Variants in OXR1 observed in about 807,000 individuals in gnomAD.
The protein encoded by OXR1 is oxidation resistance 1, also known as oxidation resistance protein 1.
In OXR1, 41 loss-of-function variants were observed where a neutral mutation model predicts 104.6. That is an observed-to-expected ratio of 0.39 (90% CI 0.31 to 0.51). The LOEUF (loss-of-function observed/expected upper bound fraction) is 0.51. OXR1 is among the 20% of genes least tolerant of loss of function. OXR1 has a pLI of 0.77. For synonymous variants in OXR1, 348 were observed against 348.4 expected, an observed-to-expected ratio of 1.00 and a Z score of 0.01; for missense variants, 955 against 1,031.9, an observed-to-expected ratio of 0.93 and a Z score of 1.02.
rs10610619 is a variant in OXR1 at position 106,316,691 on chromosome 8, T to TTCTATCTATCTA, written c.-138-42770_-138-42759dup. Reference sequence around the variant, plus strand: ...AATGTATTTGTTTTTCTCTCTTTTTTTCTATCTATCTATCTATCTATCTAT... The same window carrying TTCTATCTATCTA: ...AATGTATTTGTTTTTCTCTCTTTTTTTCTATCTATCTATCTATCTATCTATCTATCTATCTAT... On this transcript the variant is annotated intron_variant, in intron 1 of 16. Coordinates refer to ENST00000517566, the MANE Select transcript of OXR1 (RefSeq NM_001198533.2). Among the ~76,000 whole-genome samples, 1,236 of 132,262 alleles carry TTCTATCTATCTA rather than the reference T, an allele frequency of 9.3e-3. 19 individuals are homozygous for TTCTATCTATCTA. Among genetic ancestry groups the TTCTATCTATCTA allele is most frequent in the Middle Eastern group, 0.016 (4 of 252 alleles). 86.8% of individuals were successfully genotyped at this position (132,262 alleles called of 152,430 possible).
At chr8:106,409,248 T>G (rs1818366949) in intron 2 of OXR1, among the ~76,000 whole-genome samples, 1 of 152,098 alleles carries the variant, frequency 6.6e-6, no homozygotes, top group Admixed American at 6.6e-5. Context: ...CCATATATTC[T>G]GTGGTGTGGT....
At chr8:106,508,350 A>G (rs1181054923) in intron 2 of OXR1, among the ~76,000 whole-genome samples, 1 of 152,226 alleles carries the variant, frequency 6.6e-6, no homozygotes, top group Admixed American at 6.5e-5. Context: ...TTAACATTTT[A>G]TAATTTTTTT....
intron 2 of OXR1, among the ~76,000 whole-genome samples, chr8:106,400,068 T>G (rs1477162917): frequency 6.6e-6 from 1 of 152,198 alleles, no homozygotes; most frequent in East Asian, 1.9e-4. Context: ...ATTATTTGTG[T>G]TTTGCCCTTT....
intron 1 of OXR1, among the ~76,000 whole-genome samples, chr8:106,316,254 C>G (rs997659788): frequency 1.3e-5 from 2 of 152,094 alleles, no homozygotes; most frequent in African/African-American, 4.8e-5. Flanking sequence ...CAACTCAAAG[C>G]TTTTTTCTTT....
At chr8:106,436,327 A>G (rs1819565325) in intron 2 of OXR1, among the ~76,000 whole-genome samples, 1 of 152,046 alleles carries the variant, frequency 6.6e-6, no homozygotes, top group Non-Finnish European at 1.5e-5. Flanking sequence ...TCAAATTTTC[A>G]CTTCTGGTAA....
chr8:106,310,230 C>CTT (rs10573304), intron 1 of OXR1, among the ~76,000 whole-genome samples: 187 of 142,388 alleles, frequency 1.3e-3, no homozygotes, highest in East Asian at 2.5e-3. Flanking sequence ...TTCCTGTGAC[C>CTT]TTTTTTTTTT....
chr8:106,449,171 G>A (rs1028152519), intron 2 of OXR1, among the ~76,000 whole-genome samples: 1 of 152,036 alleles, frequency 6.6e-6, no homozygotes, highest in African/African-American at 2.4e-5. Context: ...GGTTGAAATT[G>A]CCTTGTTAAG....
intron 11 of OXR1, among the ~76,000 whole-genome samples, chr8:106,727,054 A>G (rs1423607560): frequency 3.3e-5 from 5 of 152,206 alleles, no homozygotes; most frequent in African/African-American, 1.2e-4. Flanking sequence ...TCAAAATATT[A>G]AAATTTTAAT....
chr8:106,290,740 A>G (rs781744130), intron 1 of OXR1, among the ~76,000 whole-genome samples: 1 of 152,182 alleles, frequency 6.6e-6, no homozygotes, highest in Non-Finnish European at 1.5e-5. Flanking sequence ...CAAAACCACA[A>G]TAAGATACCA....
chr8:106,747,843 A>G (rs1338334228), intron 16 of OXR1, among the ~76,000 whole-genome samples: 1 of 152,240 alleles, frequency 6.6e-6, no homozygotes, highest in Non-Finnish European at 1.5e-5. Flanking sequence ...ACTTGGTAAT[A>G]AAACTTACTG....
chr8:106,312,140 A>G (rs143955735), intron 1 of OXR1, among the ~76,000 whole-genome samples: 1 of 152,200 alleles, frequency 6.6e-6, no homozygotes, highest in South Asian at 2.1e-4. Flanking sequence ...TCAGTGAAAT[A>G]AACTAAAGCG....
At chr8:106,476,112 A>G (rs1821795296) in intron 2 of OXR1, among the ~76,000 whole-genome samples, 2 of 151,836 alleles carry the variant, frequency 1.3e-5, no homozygotes, top group Non-Finnish European at 2.9e-5. Context: ...TTTCTCTTGC[A>G]TAACACTGAC....
chr8:106,596,500 G>A (rs1819534274), intron 3 of OXR1, among the ~76,000 whole-genome samples: 1 of 152,076 alleles, frequency 6.6e-6, no homozygotes, highest in African/African-American at 2.4e-5. Flanking sequence ...TTACAATCCA[G>A]TACTAATAAA....
Position 106,706,913 on chromosome 8 carries a change from A to G in OXR1, c.1392A>G (p.Gln464=), listed in dbSNP as rs1831194032. Residue 464 remains glutamine (Q), a synonymous_variant, in exon 9 of 17, where the codon CAA becomes CAG. Coordinates refer to ENST00000517566, the MANE Select transcript of OXR1 (RefSeq NM_001198533.2). ...ATTCGTTACACCAAGAAGAGAGTCA[A>G]AAAGAAAATATGCCTTGTGGGGAAA... is the stretch of plus-strand genomic sequence containing the variant. ...HENSLHQEES[Q]KENMPCGETA... The G allele has an allele frequency of 1.9e-6, 3 of 1,612,466 alleles. No individual in the cohort carries two copies. The highest frequency in any genetic ancestry group is 1.3e-5 in the African/African-American group (1 of 74,802).
At chr8:106,482,349 T>C (rs1204087835) in intron 2 of OXR1, among the ~76,000 whole-genome samples, 1 of 151,256 alleles carries the variant, frequency 6.6e-6, no homozygotes, top group African/African-American at 2.4e-5. Context: ...GTAAATGTTT[T>C]AGCAATGAGT....
chr8:106,724,041 C>T (rs1469234723), intron 11 of OXR1, among the ~76,000 whole-genome samples: 2 of 152,030 alleles, frequency 1.3e-5, no homozygotes, highest in Non-Finnish European at 1.5e-5. Flanking sequence ...CTGCCTCAGC[C>T]TCCCAAAGCA....
chr8:106,510,957 A>G (rs1163441235), intron 2 of OXR1, among the ~76,000 whole-genome samples: 1 of 152,220 alleles, frequency 6.6e-6, no homozygotes, highest in Non-Finnish European at 1.5e-5. Flanking sequence ...GCAAAAGTAG[A>G]TTGAGTAATT....
At chr8:106,429,388 A>G (rs1819267406) in intron 2 of OXR1, among the ~76,000 whole-genome samples, 1 of 152,148 alleles carries the variant, frequency 6.6e-6, no homozygotes. Flanking sequence ...GGCCGGGCAT[A>G]GTGGCTCACG....
Position 106,519,023 on chromosome 8 carries a change from A to G in OXR1, c.104A>G (p.Gln35Arg), listed in dbSNP as rs1319617744. 6.4e-7 allele frequency: 1 copy of G among 1,551,914 alleles called. No individual in the cohort carries two copies. The highest frequency in any genetic ancestry group is 8.7e-7 in the Non-Finnish European group (1 of 1,146,950). ...GCTGGTGCAGGAAAGCAAACACCAC[A>G]AGCCAGTAAGCCCCCGGCACCCAAG... Reference protein sequence around the residue: ...PLAGAGKQTPQASKPPAPKTP... With the variant: ...PLAGAGKQTPRASKPPAPKTP... Residue 35 changes from glutamine to arginine, a missense_variant, in exon 3 of 17, where the codon CAA becomes CGA. This residue lies in a region of OXR1 where 849 missense variants were observed against 852.9 expected (regional missense o/e 1.00). Coordinates refer to ENST00000517566, the MANE Select transcript of OXR1 (RefSeq NM_001198533.2).
Sources: allele counts gnomAD v4.1 joint callset (sites outside exome capture counted in the v4.1 genomes callset), GRCh38; gene constraint gnomAD v4.1.1; regional missense constraint gnomAD v4.1.1; transcripts MANE v1.5; gene names NCBI Gene and HGNC (gene_info 2026-07-23, HGNC 2026-07-21).